The following ULBP3 variants were observed in gnomAD, a reference collection of about 807,000 sequenced individuals.
ULBP3 encodes UL16-binding protein 3.
A neutral mutation model predicts 24.9 loss-of-function variants in ULBP3; 25 were observed. The ratio of observed to expected loss-of-function variants is 1.00; its 90% CI spans 0.73 to 1.40. The LOEUF is 1.40. Among genes scored for constraint, ULBP3 ranks in the 40% most tolerant of loss-of-function variants. The pLI is 0.00. For missense variants in ULBP3, 306 were observed against 307.5 expected (o/e 1.00, Z 0.04); for synonymous variants, 114 against 114.7 (o/e 0.99, Z 0.04).
Position 150,062,739 on chromosome 6 carries a change from T to A in ULBP3, c.*635A>T, listed in dbSNP as rs2114788614. 6.6e-6 allele frequency among the ~76,000 whole-genome samples: 1 copy of A among 151,476 alleles called. No homozygotes were observed. The highest frequency in any genetic ancestry group is 2.4e-5 in the African/African-American group (1 of 41,254). On this transcript the variant is annotated 3_prime_UTR_variant, in exon 5 of 5. Coordinates refer to ENST00000367339, the MANE Select transcript of ULBP3 (RefSeq NM_024518.3). ...GAAAGAAAATGCCTTTTGCTGGGAT[T>A]TCTTGTTCAGTTAAAACTTGTGCAG...
rs1228854771 is a variant in ULBP3, at chr6:150,066,103, AC to A, written c.147del (p.Gln49HisfsTer30). ...TIIHLPRHGQQWCEVQSQVDQ... is the reference protein window; with the variant it reads ...TIIHLPRHGQXWCEVQSQVDQ... ...TCCACCTGGCTCTGGACCTCACACCACTGTTGCCCATGTCTGGGCAAATGAA... is the reference window on the plus strand; with the variant it reads ...TCCACCTGGCTCTGGACCTCACACCATGTTGCCCATGTCTGGGCAAATGAA... On this transcript the variant is annotated frameshift_variant, in exon 2 of 5. Coordinates refer to ENST00000367339, the MANE Select transcript of ULBP3 (RefSeq NM_024518.3). LOFTEE classifies it high-confidence loss of function. 13 of 1,614,026 alleles carry A rather than the reference AC, an allele frequency of 8.1e-6. No individual in the cohort carries two copies. Among genetic ancestry groups the A allele is most frequent in the Non-Finnish European group, 1.0e-5 (12 of 1,180,044 alleles).
At chr6:150,067,540 C>T (rs1776365076) in intron 1 of ULBP3, among the ~76,000 whole-genome samples, 1 of 152,190 alleles carries the variant, frequency 6.6e-6, no homozygotes, top group Admixed American at 6.5e-5. Context: ...GTGCTGGGTT[C>T]ATAGACCCAT....
chr6:150,064,443 C>A (rs764250221), intron 4 of ULBP3, 142 bp downstream of exon 4: 3 of 733,324 alleles, frequency 4.1e-6, no homozygotes, highest in Admixed American at 4.2e-5. Context: ...AAACAGGCGA[C>A]ACCAGGTCTC....
chr6:150,066,507 C>T (rs1324652511), intron 1 of ULBP3, among the ~76,000 whole-genome samples: 1 of 152,156 alleles, frequency 6.6e-6, no homozygotes, highest in East Asian at 1.9e-4. Context: ...GAGCGTGGTG[C>T]AGTGGGTACG....
intron 2 of ULBP3, 47 bp downstream of exon 2, chr6:150,065,852 C>CA: frequency 6.2e-7 from 1 of 1,608,930 alleles, no homozygotes; most frequent in Non-Finnish European, 8.5e-7. Flanking sequence ...AGAACAGCCC[C>CA]TGAGCCCACA....
rs182888915 is a variant in ULBP3 at position 150,065,312 on chromosome 6, C to G, written c.628+86G>C. 110 of 1,560,658 alleles carry G rather than the reference C, an allele frequency of 7.0e-5. 1 individual carries two copies. The East Asian group carries it at 1.3e-3, about 19-fold the overall frequency. ...TCACACCCACTCACACCCATACACC[C>G]ACACCCACCATACTCAGACACTGAC... On this transcript the variant is annotated intron_variant, in intron 3 of 4. Coordinates refer to ENST00000367339, the MANE Select transcript of ULBP3 (RefSeq NM_024518.3).
chr6:150,068,934 C>A (rs776549193), intron 1 of ULBP3, 45 bp downstream of exon 1: 10 of 1,547,406 alleles, frequency 6.5e-6, no homozygotes, highest in Non-Finnish European at 8.8e-6. Flanking sequence ...CCACAGCCCC[C>A]CAGGTTTGGC....
At chr6:150,068,835 G>T in intron 1 of ULBP3, 144 bp downstream of exon 1, 1 of 841,168 alleles carries the variant, frequency 1.2e-6, no homozygotes, top group Non-Finnish European at 1.7e-6. Flanking sequence ...GCGAAAAAGA[G>T]CAGCGAATCG....
intron 1 of ULBP3, 124 bp downstream of exon 1, chr6:150,068,855 G>T (rs1232795690): frequency 4.9e-6 from 5 of 1,019,066 alleles, no homozygotes; most frequent in Non-Finnish European, 4.1e-6. Flanking sequence ...GGAACTGAGC[G>T]TGGGGGCAGT....
chr6:150,065,923 C>A lies in ULBP3; in HGVS notation c.328G>T (p.Glu110Ter), dbSNP rs34672740. 4,660 of 1,614,176 alleles carry A rather than the reference C, an allele frequency of 2.9e-3. 118 individuals are homozygous for A. In the African/African-American group the frequency reaches 0.057, roughly 20 times the overall value. The change falls in exon 2 of 5, where the codon GAG becomes TAG. Residue 110 changes from glutamate (E) to a stop codon, truncating the protein, a stop_gained. Coordinates refer to ENST00000367339, the MANE Select transcript of ULBP3 (RefSeq NM_024518.3). LOFTEE classifies it high-confidence loss of function. ...QRLRLELADTELEDFTPSGPL... is the reference protein window; with the variant it reads ...QRLRLELADT Reference sequence around the variant, plus strand: ...CCACTGGGTGTGAAATCCTCCAGCTCAGTGTCAGCCAGTTCCAGTCTGAGC... The same window carrying A: ...CCACTGGGTGTGAAATCCTCCAGCTAAGTGTCAGCCAGTTCCAGTCTGAGC...
chr6:150,065,310 C>A lies in ULBP3; in HGVS notation c.628+88G>T, dbSNP rs1264603981. 152 of 1,558,348 alleles carry A rather than the reference C, an allele frequency of 9.8e-5. 1 individual carries two copies. The highest frequency in any genetic ancestry group is 1.2e-4 in the Non-Finnish European group (140 of 1,144,632). On this transcript the variant is annotated intron_variant, in intron 3 of 4. Transcript: ENST00000367339. ...ACTCACACCCACTCACACCCATACA[C>A]CCACACCCACCATACTCAGACACTG...
intron 1 of ULBP3, among the ~76,000 whole-genome samples, chr6:150,066,679 G>T (rs536887394): frequency 2.1e-4 from 32 of 152,314 alleles, no homozygotes; most frequent in African/African-American, 7.7e-4. Flanking sequence ...TACGTGGCAG[G>T]TTGTACAGGA....
At chr6:150,065,085 C>T (rs66480352) in intron 3 of ULBP3, among the ~76,000 whole-genome samples, 1 of 151,964 alleles carries the variant, frequency 6.6e-6, no homozygotes, top group Admixed American at 6.5e-5. Flanking sequence ...GGAGGGAAAT[C>T]TAAGGAGAAA....
chr6:150,067,769 A>G (rs546485399), intron 1 of ULBP3, among the ~76,000 whole-genome samples: 105 of 152,324 alleles, frequency 6.9e-4, no homozygotes, highest in South Asian at 2.5e-3. Context: ...AGATCCCAGA[A>G]GCATGTGTGG....
chr6:150,064,486 C>T lies in ULBP3; in HGVS notation c.*22+99G>A, dbSNP rs949529860. On this transcript the variant is annotated intron_variant, in intron 4 of 4. Transcript: ENST00000367339. Reference sequence around the variant, plus strand: ...TGTCTCATGTCAGAACGAGAAGGTCCCGGCCATGGGGAGAGGTGGGACTCT... The same window carrying T: ...TGTCTCATGTCAGAACGAGAAGGTCTCGGCCATGGGGAGAGGTGGGACTCT... 7.2e-6 allele frequency: 8 copies of T among 1,104,992 alleles called. No individual in the cohort carries two copies. The African/African-American group carries it at 1.2e-4, about 17-fold the overall frequency. 68.4% of individuals were successfully genotyped at this position (1,104,992 alleles called of 1,614,324 possible). A position where few individuals can be genotyped will look rare whatever the true frequency, so the allele number is the denominator to read the frequency against.
Position 150,063,273 on chromosome 6 carries a change from T to C in ULBP3, c.*101A>G, listed in dbSNP as rs1044943348. The C allele has an allele frequency of 2.7e-5, 23 of 853,230 alleles. No homozygotes were observed. The highest frequency in any genetic ancestry group is 2.5e-4 in the East Asian group (2 of 8,148). The allele number at this position is 853,230 out of a possible 1,614,324, so 52.9% of individuals were successfully genotyped here. A position where few individuals can be genotyped will look rare whatever the true frequency, so the allele number is the denominator to read the frequency against. ...CCTGCTTTCCAGAAAGGCACAGTGG[T>C]GAGTAGACAGGCGGCCTCCCTGAAG... On this transcript the variant is annotated 3_prime_UTR_variant, in exon 5 of 5. Transcript: ENST00000367339.
At position 150,066,133 on chromosome 6, in the gene ULBP3, T is replaced by C. The variant is rs1476901702; in HGVS notation, c.118A>G (p.Ile40Val). 1 of 1,613,754 alleles carries C rather than the reference T, an allele frequency of 6.2e-7. No individual in the cohort carries two copies. The highest frequency in any genetic ancestry group is 1.3e-5 in the African/African-American group (1 of 74,844). Residue 40 changes from isoleucine (I) to valine (V), a missense_variant, in exon 2 of 5, where the codon ATC becomes GTC. Ile to Val is a conservative substitution (Grantham distance 29, BLOSUM62 3). Transcript: ENST00000367339. ...DAHSLWYNFT[I>V]IHLPRHGQQW... ...TGCCCATGTCTGGGCAAATGAATGA[T>C]GGTGAAGTTATACCAGAGAGAGTGA...
intron 4 of ULBP3, among the ~76,000 whole-genome samples, 165 bp downstream of exon 4, chr6:150,064,420 C>A (rs542810802): frequency 6.6e-5 from 10 of 152,114 alleles, no homozygotes; most frequent in Admixed American, 3.9e-4. Flanking sequence ...GGTTGAGCTG[C>A]CCAGGTCATT....
At position 150,068,990 on chromosome 6, in the gene ULBP3, G is replaced by A. The variant is rs201424815; in HGVS notation, c.77C>T (p.Thr26Met). Residue 26 changes from threonine (T) to methionine (M), a missense_variant, in exon 1 of 5, where the codon ACG becomes ATG. Transcript: ENST00000367339. ...LPYLLFDWSG[T>M]GRADAHSLWY... The stretch of plus-strand genomic sequence containing the variant: ...ATCCCCGAACTCACCGGCCCGCCCC[G>A]TCCCGGACCAGTCGAATAGCAGGTA... 1.2e-5 allele frequency: 20 copies of A among 1,610,706 alleles called. No homozygotes were observed. The Admixed American group carries it at 2.5e-4, about 20-fold the overall frequency.
Sources: gnomAD v4.1 joint callset for allele counts (sites outside exome capture counted in the v4.1 genomes callset) on GRCh38, gnomAD v4.1.1 for gene constraint, MANE v1.5 for transcripts, NCBI Gene and HGNC (gene_info 2026-07-23, HGNC 2026-07-21) for gene names.